HTR1E: variants seen among roughly 807,000 people sequenced by gnomAD.
HTR1E encodes 5-hydroxytryptamine receptor 1E, also known as 5-HT-1E.
In HTR1E, 3 loss-of-function variants were observed where a neutral mutation model predicts 3.4. The ratio of observed to expected loss-of-function variants is 0.89; its 90% CI spans 0.41 to 2.31. HTR1E has a LOEUF of 2.31. Among genes scored for constraint, HTR1E ranks in the 30% most tolerant of loss-of-function variants. The pLI, the probability that HTR1E is intolerant of heterozygous loss-of-function variation, is 0.05. For missense variants in HTR1E, 392 were observed against 467.0 expected, an observed-to-expected ratio of 0.84 and a Z score of 1.48; for synonymous variants, 170 against 182.8, an observed-to-expected ratio of 0.93 and a Z score of 0.56.
intron 1 of HTR1E, among the ~76,000 whole-genome samples, chr6:86,945,527 G>A (rs1263631439): frequency 6.6e-6 from 1 of 151,816 alleles, no homozygotes; most frequent in Non-Finnish European, 1.5e-5. Flanking sequence ...ACAGGCGTGA[G>A]TATCTTAGTT....
Position 86,984,841 on chromosome 6 carries a change from C to T in HTR1E, c.-185-30309C>T, listed in dbSNP as rs143104604. Among the ~76,000 whole-genome samples, 179 of 152,276 alleles carry T rather than the reference C, an allele frequency of 1.2e-3. 1 individual carries two copies. Among genetic ancestry groups the T allele is most frequent in the African/African-American group, 4.0e-3 (165 of 41,574 alleles). ...AGAGGTAACACACATCACTTTTGCT[C>T]ACATTTCATTGATGTGAAATAATCA... On this transcript the variant is annotated intron_variant, in intron 1 of 1. Coordinates refer to ENST00000305344, the MANE Select transcript of HTR1E (RefSeq NM_000865.3).
At chr6:86,999,901 C>T (rs991586123) in intron 1 of HTR1E, 1 of 152,242 alleles carries the variant, frequency 6.6e-6, no homozygotes, top group Non-Finnish European at 1.5e-5. Flanking sequence ...ACACAAACAC[C>T]TGCCCATTAA....
chr6:86,983,130 C>T (rs180830628), intron 1 of HTR1E, among the ~76,000 whole-genome samples: 3 of 152,244 alleles, frequency 2.0e-5, no homozygotes, highest in Admixed American at 2.0e-4. Context: ...TTCTCTTTGT[C>T]TTTCTTAACT....
chr6:86,945,647 AT>A (rs1340254224), intron 1 of HTR1E, among the ~76,000 whole-genome samples: 2 of 152,210 alleles, frequency 1.3e-5, no homozygotes, highest in African/African-American at 4.8e-5. Context: ...TAGCTATACA[AT>A]GTGTTTTAAG....
chr6:86,963,152 T>G (rs1396707204), intron 1 of HTR1E, among the ~76,000 whole-genome samples: 1 of 152,200 alleles, frequency 6.6e-6, no homozygotes, highest in African/African-American at 2.4e-5. Flanking sequence ...ATTCTGACCT[T>G]GTGTAGTCCA....
In HTR1E at chr6:86,973,509, G is replaced by C. The variant is rs138315081; in HGVS notation, c.-186+35686G>C. Among the ~76,000 whole-genome samples, 1,075 of 152,232 alleles carry C rather than the reference G, an allele frequency of 7.1e-3. 11 individuals carry two copies. Among genetic ancestry groups the C allele is most frequent in the African/African-American group, 0.024 (1,014 of 41,542 alleles). The stretch of plus-strand genomic sequence containing the variant: ...ACCAATCAGACCTAAAAGAGATAGA[G>C]CACTGTAACCACAAATGTCCTGGCC... On this transcript the variant is annotated intron_variant, in intron 1 of 1. Coordinates refer to ENST00000305344, the MANE Select transcript of HTR1E (RefSeq NM_000865.3).
intron 1 of HTR1E, among the ~76,000 whole-genome samples, chr6:86,977,551 TA>T (rs1408424279): frequency 6.6e-6 from 1 of 152,204 alleles, no homozygotes; most frequent in Non-Finnish European, 1.5e-5. Context: ...TTATACCTAA[TA>T]ATGGGATTGC....
In HTR1E at chr6:86,937,713, T is replaced by C. The variant is rs561749641; in HGVS notation, c.-296T>C. 5.2e-5 allele frequency: 8 copies of C among 152,874 alleles called. No individual in the cohort carries two copies. The highest frequency in any genetic ancestry group is 1.9e-4 in the African/African-American group (8 of 41,594). 9.5% of individuals were successfully genotyped at this position (152,874 alleles called of 1,614,324 possible). A position where few individuals can be genotyped will look rare whatever the true frequency, so the allele number is the denominator to read the frequency against. On this transcript the variant is annotated 5_prime_UTR_variant, in exon 1 of 2. Coordinates refer to ENST00000305344, the MANE Select transcript of HTR1E (RefSeq NM_000865.3). ...CAGAATCGAATGTTGAGAGAAGCAG[T>C]GCTCTGATCCAGCTCAGGAGAAAAA...
intron 1 of HTR1E, among the ~76,000 whole-genome samples, chr6:86,980,078 A>G (rs1458199638): frequency 6.6e-6 from 1 of 152,172 alleles, no homozygotes; most frequent in Non-Finnish European, 1.5e-5. Context: ...AGCTGACAAG[A>G]TCAGTCCTTT....
At chr6:86,995,145 T>C (rs1429198144) in intron 1 of HTR1E, among the ~76,000 whole-genome samples, 1 of 151,938 alleles carries the variant, frequency 6.6e-6, no homozygotes, top group African/African-American at 2.4e-5. Context: ...ATAATTACAT[T>C]GAATTTTAAA....
intron 1 of HTR1E, among the ~76,000 whole-genome samples, chr6:86,987,953 T>C (rs1767814755): frequency 6.6e-6 from 1 of 152,140 alleles, no homozygotes; most frequent in Non-Finnish European, 1.5e-5. Flanking sequence ...ACACCTGACT[T>C]TCGGAGAGGA....
intron 1 of HTR1E, among the ~76,000 whole-genome samples, chr6:86,960,206 G>A (rs1183940574): frequency 6.6e-6 from 1 of 152,192 alleles, no homozygotes; most frequent in Non-Finnish European, 1.5e-5. Flanking sequence ...GTAGTGACTA[G>A]TGAGGGCCTT....
At chr6:86,969,339 C>T (rs775328674) in intron 1 of HTR1E, among the ~76,000 whole-genome samples, 3 of 152,092 alleles carry the variant, frequency 2.0e-5, no homozygotes, top group Non-Finnish European at 4.4e-5. Context: ...AAAACAAATA[C>T]TTTCATGATA....
At chr6:86,972,748 G>A (rs1176355455) in intron 1 of HTR1E, among the ~76,000 whole-genome samples, 4 of 152,158 alleles carry the variant, frequency 2.6e-5, no homozygotes, top group African/African-American at 9.7e-5. Flanking sequence ...ATCTGTATGA[G>A]TGTGTATGCG....
At chr6:86,973,318 G>C (rs981487018) in intron 1 of HTR1E, among the ~76,000 whole-genome samples, 2 of 151,712 alleles carry the variant, frequency 1.3e-5, no homozygotes, top group African/African-American at 4.8e-5. Context: ...GTGTGTGTGT[G>C]TGTGTGTGTG....
intron 1 of HTR1E, among the ~76,000 whole-genome samples, chr6:86,976,188 G>T (rs1767636423): frequency 6.6e-6 from 1 of 152,090 alleles, no homozygotes; most frequent in Non-Finnish European, 1.5e-5. Context: ...AAAAAGAAAA[G>T]GTGGGAATGA....
chr6:87,015,464 A>G lies in HTR1E; in HGVS notation c.130A>G (p.Ile44Val). ...CACCACGTTGCTGAACTTGGCTGTG[A>G]TCATGGCTATTGGCACCACCAAGAA... is the stretch of plus-strand genomic sequence containing the variant. ...TLTTLLNLAVIMAIGTTKKLH... is the reference protein window; with the variant it reads ...TLTTLLNLAVVMAIGTTKKLH... The change falls in exon 2 of 2, where the codon ATC becomes GTC. Residue 44 changes from isoleucine (I) to valine (V), a missense_variant. Coordinates refer to ENST00000305344, the MANE Select transcript of HTR1E (RefSeq NM_000865.3). 6.2e-7 allele frequency: 1 copy of G among 1,613,902 alleles called. No individual in the cohort carries two copies.
At chr6:87,001,290 G>C (rs1446543520) in intron 1 of HTR1E, among the ~76,000 whole-genome samples, 2 of 152,132 alleles carry the variant, frequency 1.3e-5, no homozygotes, top group Non-Finnish European at 2.9e-5. Flanking sequence ...TCAAAAAATG[G>C]CAAGAGTAAG....
intron 1 of HTR1E, among the ~76,000 whole-genome samples, chr6:87,008,379 T>C (rs1435382724): frequency 1.3e-5 from 2 of 152,126 alleles, no homozygotes; most frequent in African/African-American, 4.8e-5. Flanking sequence ...GAGGGCAAGT[T>C]GACATTCCTG....
Sources: gnomAD v4.1 joint callset for allele counts (sites outside exome capture counted in the v4.1 genomes callset) on GRCh38, gnomAD v4.1.1 for gene constraint, MANE v1.5 for transcripts, NCBI Gene and HGNC (gene_info 2026-07-23, HGNC 2026-07-21) for gene names.